The following SUSD6 variants were observed in gnomAD, a reference collection of about 807,000 sequenced individuals.
The protein encoded by SUSD6 is sushi domain containing 6, also known as sushi domain-containing protein 6.
In SUSD6, 16 loss-of-function variants were observed where a neutral mutation model predicts 28.4. The ratio of observed to expected loss-of-function variants is 0.56; its 90% CI spans 0.38 to 0.86. SUSD6 has a LOEUF of 0.86. Among genes scored for constraint, SUSD6 ranks in the 40% least tolerant of loss-of-function variants. SUSD6 has a pLI of 0.00. For synonymous variants in SUSD6, 147 were observed against 159.6 expected (o/e 0.92, Z 0.59); for missense variants, 341 against 384.2 (o/e 0.89, Z 0.94).
intron 1 of SUSD6, among the ~76,000 whole-genome samples, chr14:69,648,712 A>C (rs765411571): frequency 1.3e-5 from 2 of 152,114 alleles, no homozygotes; most frequent in Non-Finnish European, 2.9e-5. Context: ...CCAGCTCTCT[A>C]GGGTTTGCTA....
intron 2 of SUSD6, among the ~76,000 whole-genome samples, chr14:69,698,065 C>T (rs1024414198): frequency 7.9e-5 from 12 of 152,250 alleles, no homozygotes; most frequent in Non-Finnish European, 1.6e-4. Flanking sequence ...CGCTGGCTCA[C>T]GCCTGTAATC....
At chr14:69,668,423 T>G (rs1448087939) in intron 2 of SUSD6, among the ~76,000 whole-genome samples, 1 of 151,792 alleles carries the variant, frequency 6.6e-6, no homozygotes, top group Non-Finnish European at 1.5e-5. Context: ...TCATTTGAGG[T>G]CAGGAGTTTG....
intron 2 of SUSD6, among the ~76,000 whole-genome samples, chr14:69,663,963 C>T (rs139047582): frequency 6.6e-6 from 1 of 151,596 alleles, no homozygotes; most frequent in Non-Finnish European, 1.5e-5. Flanking sequence ...CCATGTTTCC[C>T]ACTATGGTTG....
At chr14:69,612,122 G>C (rs1359044479) in intron 1 of SUSD6, among the ~76,000 whole-genome samples, 6 of 151,820 alleles carry the variant, frequency 4.0e-5, no homozygotes, top group Non-Finnish European at 8.8e-5. Context: ...GGTGACCCGC[G>C]GTCCGGGGCG....
chr14:69,678,520 C>T (rs954169499), intron 2 of SUSD6, among the ~76,000 whole-genome samples: 14 of 151,974 alleles, frequency 9.2e-5, no homozygotes, highest in African/African-American at 2.7e-4. Flanking sequence ...AACAATGCTG[C>T]GGCTGGGCAT....
chr14:69,646,008 C>G (rs2139605973), intron 1 of SUSD6, among the ~76,000 whole-genome samples: 1 of 152,268 alleles, frequency 6.6e-6, no homozygotes, highest in East Asian at 1.9e-4. Flanking sequence ...CCTTGGCCTC[C>G]CAAAGTGCTG....
intron 2 of SUSD6, among the ~76,000 whole-genome samples, chr14:69,685,251 A>G (rs1886055830): frequency 6.6e-6 from 1 of 152,212 alleles, no homozygotes; most frequent in African/African-American, 2.4e-5. Context: ...CCTAAAGGAC[A>G]TTACCCACAT....
At chr14:69,637,035 G>A (rs1327729497) in intron 1 of SUSD6, among the ~76,000 whole-genome samples, 1 of 152,132 alleles carries the variant, frequency 6.6e-6, no homozygotes, top group African/African-American at 2.4e-5. Context: ...TGACAAACCC[G>A]GGAGTCTGCC....
chr14:69,642,587 T>A (rs371209102), intron 1 of SUSD6, among the ~76,000 whole-genome samples: 14 of 152,224 alleles, frequency 9.2e-5, no homozygotes, highest in African/African-American at 3.4e-4. Flanking sequence ...CTTGTGAGAC[T>A]TATTCACTAT....
At chr14:69,705,267 G>A (rs529563778) in intron 4 of SUSD6, among the ~76,000 whole-genome samples, 147 of 150,298 alleles carry the variant, frequency 9.8e-4, no homozygotes, top group Non-Finnish European at 1.9e-3. Flanking sequence ...GCAGTGAGCC[G>A]AGATCACACC....
At chr14:69,615,777 GTAGTCTC>G (rs1299687688) in intron 1 of SUSD6, 2 of 152,262 alleles carry the variant, frequency 1.3e-5, no homozygotes, top group Non-Finnish European at 2.9e-5. Context: ...TGCCTGTGAT[GTAGTCTC>G]CCTCCCTGGC....
At position 69,611,740 on chromosome 14, in the gene SUSD6, G is replaced by A. The variant is rs1321119058; in HGVS notation, c.-169G>A. ...GCTAGACAAGGGCACGCGGGGCCTC[G>A]CCTAGACCCGAGAAGACTGCGGGCG... On this transcript the variant is annotated 5_prime_UTR_variant, in exon 1 of 6. Coordinates refer to ENST00000342745, the MANE Select transcript of SUSD6 (RefSeq NM_014734.4). The A allele has an allele frequency of 1.3e-5, 2 of 148,940 alleles. No individual in the cohort carries two copies. Among genetic ancestry groups the A allele is most frequent in the Non-Finnish European group, 3.0e-5 (2 of 67,046 alleles). The allele number at this position is 148,940 out of a possible 1,614,324, so 9.2% of individuals were successfully genotyped here. A position where few individuals can be genotyped will look rare whatever the true frequency, so the allele number is the denominator to read the frequency against.
rs544905368 is a variant in SUSD6, at chr14:69,643,671, G to A, written c.-80-14842G>A. ...GCCCAGACAGCCGTGTGTGGGGAGG[G>A]AAGAGAGCATTAAGTCTCTGTGTGT... On this transcript the variant is annotated intron_variant, in intron 1 of 5. Coordinates refer to ENST00000342745, the MANE Select transcript of SUSD6 (RefSeq NM_014734.4). Among the ~76,000 whole-genome samples the A allele has an allele frequency of 4.6e-5, 7 of 152,320 alleles. No homozygotes were observed. In the South Asian group the frequency reaches 1.2e-3, roughly 27 times the overall value.
chr14:69,617,802 G>C (rs1408663454), intron 1 of SUSD6, among the ~76,000 whole-genome samples: 1 of 152,164 alleles, frequency 6.6e-6, no homozygotes, highest in South Asian at 2.1e-4. Context: ...AAAGGCTTCT[G>C]CTAGGTTGGG....
At chr14:69,674,117 C>T (rs1885872987) in intron 2 of SUSD6, among the ~76,000 whole-genome samples, 1 of 152,206 alleles carries the variant, frequency 6.6e-6, no homozygotes, top group Non-Finnish European at 1.5e-5. Flanking sequence ...TTGGCACCTG[C>T]AGTTGTGCTG....
At chr14:69,693,630 T>G (rs1359399506) in intron 2 of SUSD6, among the ~76,000 whole-genome samples, 1 of 152,250 alleles carries the variant, frequency 6.6e-6, no homozygotes, top group Non-Finnish European at 1.5e-5. Context: ...ACATGAAAAT[T>G]TATCAGTGCC....
At chr14:69,628,059 C>T (rs1469211087) in intron 1 of SUSD6, among the ~76,000 whole-genome samples, 2 of 151,626 alleles carry the variant, frequency 1.3e-5, no homozygotes, top group Non-Finnish European at 2.9e-5. Context: ...TCAGCTCCTA[C>T]GTAGCTGGGA....
intron 1 of SUSD6, among the ~76,000 whole-genome samples, chr14:69,648,524 G>C (rs886344969): frequency 6.6e-6 from 1 of 152,144 alleles, no homozygotes; most frequent in Non-Finnish European, 1.5e-5. Context: ...TTTAGAGTTG[G>C]GGTTTTTGGT....
chr14:69,710,249 G>A (rs911835118), intron 5 of SUSD6, among the ~76,000 whole-genome samples: 2 of 152,118 alleles, frequency 1.3e-5, no homozygotes, highest in Non-Finnish European at 2.9e-5. Context: ...ACCTAGCTTT[G>A]TTTTTTGTAT....
Sources: gnomAD v4.1 joint callset for allele counts (sites outside exome capture counted in the v4.1 genomes callset) on GRCh38, gnomAD v4.1.1 for gene constraint, MANE v1.5 for transcripts, NCBI Gene and HGNC (gene_info 2026-07-23, HGNC 2026-07-21) for gene names.